RNF125: variants seen among roughly 807,000 people sequenced by gnomAD.
RNF125 encodes E3 ubiquitin-protein ligase RNF125.
Under a neutral mutation model 26.0 loss-of-function variants are expected in RNF125, and 21 were observed. The observed-to-expected ratio is 0.81, with a 90% confidence interval of 0.57 to 1.16. RNF125 has a LOEUF of 1.16. Ranked by LOEUF, RNF125 falls within the 50% of genes most tolerant of loss-of-function variation. The probability of loss-of-function intolerance (pLI) is 0.00; values close to 1 mark genes in which losing one functional copy is unlikely to be tolerated. For missense variants in RNF125, 270 were observed against 299.4 expected (o/e 0.90, Z 0.72); for synonymous variants, 95 against 109.2 (o/e 0.87, Z 0.81).
At chr18:32,061,314 G>A (rs188770232) in intron 4 of RNF125, among the ~76,000 whole-genome samples, 251 of 152,208 alleles carry the variant, frequency 1.6e-3, no homozygotes, top group African/African-American at 5.8e-3. Context: ...GTGAGCCCCC[G>A]TGCCTGGCCT....
intron 4 of RNF125, among the ~76,000 whole-genome samples, chr18:32,049,893 G>T (rs536501267): frequency 6.6e-6 from 1 of 152,216 alleles, no homozygotes; most frequent in South Asian, 2.1e-4. Flanking sequence ...GGTATAGCTG[G>T]GGTTCACGTG....
At chr18:32,029,489 G>A (rs1315025040) in intron 1 of RNF125, among the ~76,000 whole-genome samples, 2 of 151,668 alleles carry the variant, frequency 1.3e-5, no homozygotes, top group Admixed American at 1.3e-4. Flanking sequence ...AGCTGGGCAT[G>A]GTGGGGCATG....
At chr18:32,030,426 A>G (rs1342536844) in intron 1 of RNF125, among the ~76,000 whole-genome samples, 1 of 152,218 alleles carries the variant, frequency 6.6e-6, no homozygotes, top group Non-Finnish European at 1.5e-5. Context: ...GAAACGTTCA[A>G]TTTGTGGTCA....
intron 4 of RNF125, among the ~76,000 whole-genome samples, chr18:32,060,622 T>A (rs1306668154): frequency 1.3e-5 from 2 of 152,182 alleles, no homozygotes; most frequent in African/African-American, 4.8e-5. Flanking sequence ...TGTTAGGAAA[T>A]GGACAACATT....
At chr18:32,026,570 G>A (rs1044598195) in intron 1 of RNF125, among the ~76,000 whole-genome samples, 2 of 152,056 alleles carry the variant, frequency 1.3e-5, no homozygotes, top group East Asian at 1.9e-4. Flanking sequence ...GGAGCAGAGA[G>A]AATGGTAGCT....
intron 2 of RNF125, 22 bp downstream of exon 2, chr18:32,037,291 T>C: frequency 6.6e-7 from 1 of 1,510,746 alleles, no homozygotes; most frequent in Non-Finnish European, 8.9e-7. Context: ...ACCCCACCTA[T>C]TTTCATGGTT....
intron 4 of RNF125, among the ~76,000 whole-genome samples, chr18:32,052,492 C>A (rs1194390607): frequency 8.8e-5 from 11 of 124,834 alleles, no homozygotes; most frequent in African/African-American, 2.2e-4. Flanking sequence ...GACTCCATCT[C>A]AAAAAAAAAA....
the RNF125 span, among the ~76,000 whole-genome samples, chr18:32,090,606 C>T: frequency 6.6e-6 from 1 of 152,178 alleles, no homozygotes; most frequent in Non-Finnish European, 1.5e-5. Flanking sequence ...TCTAATCATT[C>T]CATTTCCTAT....
intron 3 of RNF125, among the ~76,000 whole-genome samples, chr18:32,045,081 G>A (rs1285899728): frequency 6.7e-6 from 1 of 149,286 alleles, no homozygotes; most frequent in African/African-American, 2.5e-5. Context: ...TTGCACCACT[G>A]CACTCCAGCC....
chr18:32,079,795 G>A, the RNF125 span, among the ~76,000 whole-genome samples: 1 of 152,196 alleles, frequency 6.6e-6, no homozygotes, highest in Non-Finnish European at 1.5e-5. Flanking sequence ...ATTTAGTCCA[G>A]TGATATAGCT....
intron 4 of RNF125, among the ~76,000 whole-genome samples, chr18:32,047,328 C>T (rs535008238): frequency 9.9e-5 from 15 of 152,256 alleles, no homozygotes; most frequent in African/African-American, 2.4e-4. Context: ...TGAGCCACCG[C>T]GCCTGGCCTG....
At chr18:32,036,602 G>C (rs1484983221) in intron 1 of RNF125, among the ~76,000 whole-genome samples, 4 of 135,440 alleles carry the variant, frequency 3.0e-5, no homozygotes, top group Non-Finnish European at 6.4e-5. Flanking sequence ...AGGAAGAAGG[G>C]AGGGAGGGAA....
At chr18:32,053,656 C>T (rs1033815208) in intron 4 of RNF125, among the ~76,000 whole-genome samples, 5 of 151,582 alleles carry the variant, frequency 3.3e-5, no homozygotes, top group African/African-American at 1.2e-4. Flanking sequence ...GGCACATTGG[C>T]GTGTGCCTCT....
chr18:32,024,916 A>G (rs944952665), intron 1 of RNF125, among the ~76,000 whole-genome samples: 2 of 151,978 alleles, frequency 1.3e-5, no homozygotes, highest in African/African-American at 2.4e-5. Flanking sequence ...CCTTGTCCCT[A>G]CTGAAAATAC....
intron 1 of RNF125, among the ~76,000 whole-genome samples, chr18:32,032,883 G>A (rs969083014): frequency 1.3e-5 from 2 of 151,974 alleles, no homozygotes; most frequent in Admixed American, 6.6e-5. Context: ...AAAACAAAAC[G>A]AAAAAACCCA....
At chr18:32,081,995 C>G in the RNF125 span, among the ~76,000 whole-genome samples, 1 of 152,150 alleles carries the variant, frequency 6.6e-6, no homozygotes. Context: ...ACTTCCTTTT[C>G]TGTATGTAAG....
chr18:32,087,363 G>A, the RNF125 span, among the ~76,000 whole-genome samples: 4 of 151,644 alleles, frequency 2.6e-5, no homozygotes, highest in African/African-American at 4.8e-5. Context: ...TATGGGAACC[G>A]CAACTTGAAG....
At chr18:32,075,803 G>A (rs2039566389), downstream of RNF125, 1 of 596,926 alleles carries the variant, frequency 1.7e-6, no homozygotes, top group Admixed American at 2.6e-5. Context: ...AATGCTCCCA[G>A]GGCCTCCATT....
At chr18:32,068,090 C>G (rs2039500549) in intron 5 of RNF125, among the ~76,000 whole-genome samples, 1 of 152,098 alleles carries the variant, frequency 6.6e-6, no homozygotes, top group Non-Finnish European at 1.5e-5. Flanking sequence ...ATGACAGTAA[C>G]TAGTTAATCG....
Sources: allele counts gnomAD v4.1 joint callset (sites outside exome capture counted in the v4.1 genomes callset), GRCh38; gene constraint gnomAD v4.1.1; transcripts MANE v1.5; gene names NCBI Gene and HGNC (gene_info 2026-07-23, HGNC 2026-07-21).